The following FOXP1 variants were observed in gnomAD, a reference collection of about 807,000 sequenced individuals.
FOXP1 encodes the protein forkhead box P1.
A neutral mutation model predicts 98.2 loss-of-function variants in FOXP1; 15 were observed. The observed-to-expected ratio is 0.15, with a 90% CI of 0.10 to 0.24. FOXP1 has a LOEUF of 0.24. Among genes scored for constraint, FOXP1 ranks in the 10% least tolerant of loss-of-function variants. The pLI is 1.00. For synonymous variants in FOXP1, 371 were observed against 314.5 expected (o/e 1.18, Z -1.90); for missense variants, 633 against 848.5 (o/e 0.75, Z 3.15).
At chr3:71,031,214 A>G (rs910418507) in intron 11 of FOXP1, among the ~76,000 whole-genome samples, 2 of 152,216 alleles carry the variant, frequency 1.3e-5, no homozygotes, top group Non-Finnish European at 2.9e-5. Flanking sequence ...CTTCAAAGAC[A>G]TATCTCAAAG....
intron 20 of FOXP1, among the ~76,000 whole-genome samples, chr3:70,965,474 C>T (rs553210574): frequency 1.8e-4 from 27 of 152,260 alleles, no homozygotes; most frequent in East Asian, 1.4e-3. Flanking sequence ...GCGGCGTGTT[C>T]GTGGTGAACC....
intron 7 of FOXP1, among the ~76,000 whole-genome samples, chr3:71,078,817 C>T (rs562616981): frequency 9.9e-5 from 15 of 152,196 alleles, no homozygotes; most frequent in African/African-American, 3.6e-4. Context: ...GCCCAGACTT[C>T]ATTGGAGCCA....
intron 4 of FOXP1, among the ~76,000 whole-genome samples, chr3:71,315,102 AAAAAAG>A (rs1166881047): frequency 4.5e-5 from 6 of 131,902 alleles, no homozygotes; most frequent in South Asian, 2.5e-4. Context: ...AAAAAAAAAA[AAAAAAG>A]AAAGAAAGAA....
chr3:71,412,789 C>T (rs1359737562), intron 3 of FOXP1, among the ~76,000 whole-genome samples: 3 of 152,124 alleles, frequency 2.0e-5, no homozygotes, highest in Admixed American at 6.5e-5. Context: ...AACCCAGGCA[C>T]CAATAAAACA....
At chr3:71,117,379 G>T (rs931581487) in intron 6 of FOXP1, among the ~76,000 whole-genome samples, 1 of 152,204 alleles carries the variant, frequency 6.6e-6, no homozygotes, top group Non-Finnish European at 1.5e-5. Flanking sequence ...GAGCCACTGT[G>T]GCAGGCCAGA....
At chr3:71,512,929 G>A (rs1249841320) in intron 2 of FOXP1, among the ~76,000 whole-genome samples, 3 of 152,098 alleles carry the variant, frequency 2.0e-5, no homozygotes, top group Admixed American at 6.5e-5. Flanking sequence ...CCAAGGAAAC[G>A]TCACCCTCAA....
intron 11 of FOXP1, among the ~76,000 whole-genome samples, chr3:71,019,135 G>C (rs540015834): frequency 6.6e-6 from 1 of 152,176 alleles, no homozygotes; most frequent in African/African-American, 2.4e-5. Flanking sequence ...ACTGCCTTTT[G>C]GGTCGTGCCA....
chr3:71,536,488 A>C (rs2044300388), intron 2 of FOXP1, among the ~76,000 whole-genome samples: 1 of 152,098 alleles, frequency 6.6e-6, no homozygotes, highest in Non-Finnish European at 1.5e-5. Flanking sequence ...TGGAGACTGT[A>C]CTAAAGTCGA....
intron 5 of FOXP1, among the ~76,000 whole-genome samples, chr3:71,236,358 T>C (rs2066774246): frequency 6.6e-6 from 1 of 152,216 alleles, no homozygotes; most frequent in South Asian, 2.1e-4. Context: ...GCCTCTGCTA[T>C]GGGCCAAGTT....
chr3:71,053,619 G>A lies in FOXP1; in HGVS notation c.420+17C>T. On this transcript the variant is annotated intron_variant, in intron 8 of 20. Transcript: ENST00000649528. ...GTTCTGGGGGAGACAGGCTGGAGGT[G>A]GAGGAAGGACAATTACCTGTTGAAG... is the stretch of plus-strand genomic sequence containing the variant. The A allele has an allele frequency of 1.2e-6, 2 of 1,613,934 alleles. No homozygotes were observed. Among genetic ancestry groups the A allele is most frequent in the South Asian group, 1.1e-5 (1 of 91,066 alleles).
intron 10 of FOXP1, among the ~76,000 whole-genome samples, chr3:71,046,043 T>TG (rs2048993540): frequency 6.6e-6 from 1 of 152,142 alleles, no homozygotes; most frequent in Non-Finnish European, 1.5e-5. Flanking sequence ...AACACAGGCA[T>TG]GGCACTTTCT....
At chr3:71,127,376 AAT>A (rs1181273356) in intron 6 of FOXP1, among the ~76,000 whole-genome samples, 1 of 152,240 alleles carries the variant, frequency 6.6e-6, no homozygotes, top group Non-Finnish European at 1.5e-5. Context: ...GTGGAAGTTA[AAT>A]TGCCAACATC....
At chr3:71,112,915 T>C (rs990841538) in intron 6 of FOXP1, among the ~76,000 whole-genome samples, 3 of 152,098 alleles carry the variant, frequency 2.0e-5, no homozygotes, top group African/African-American at 7.2e-5. Context: ...TTTAAGACCA[T>C]GAGTGATTGA....
At chr3:71,582,495 A>C in intron 1 of FOXP1, 7 of 985,434 alleles carry the variant, frequency 7.1e-6, no homozygotes, top group Non-Finnish European at 8.4e-6. Context: ...GGCTGCGCGC[A>C]AGCGAGGGAC....
At chr3:71,367,178 G>A (rs2078982808) in intron 3 of FOXP1, among the ~76,000 whole-genome samples, 1 of 152,166 alleles carries the variant, frequency 6.6e-6, no homozygotes, top group East Asian at 1.9e-4. Flanking sequence ...TGCAGAAGGA[G>A]GGAGGAGACC....
chr3:71,028,758 T>C (rs1483792821), intron 11 of FOXP1, among the ~76,000 whole-genome samples: 2 of 152,192 alleles, frequency 1.3e-5, no homozygotes, highest in Non-Finnish European at 2.9e-5. Context: ...CACCCTAACG[T>C]AGAATCAGTT....
intron 4 of FOXP1, among the ~76,000 whole-genome samples, chr3:71,300,298 G>T (rs2073735127): frequency 6.6e-6 from 1 of 152,126 alleles, no homozygotes; most frequent in African/African-American, 2.4e-5. Flanking sequence ...TCCCCTTTTG[G>T]AAGAGAGTTA....
At chr3:71,032,592 C>T (rs752226788) in intron 11 of FOXP1, among the ~76,000 whole-genome samples, 3 of 152,328 alleles carry the variant, frequency 2.0e-5, no homozygotes, top group East Asian at 1.9e-4. Context: ...ACATATCTAA[C>T]GCACTCATTT....
intron 2 of FOXP1, among the ~76,000 whole-genome samples, chr3:71,493,961 A>G (rs113182019): frequency 6.6e-6 from 1 of 152,220 alleles, no homozygotes; most frequent in East Asian, 1.9e-4. Context: ...AAAAATTTAA[A>G]TAATTTTAAA....
Sources: allele counts gnomAD v4.1 joint callset (sites outside exome capture counted in the v4.1 genomes callset), GRCh38; gene constraint gnomAD v4.1.1; transcripts MANE v1.5; gene names NCBI Gene and HGNC (gene_info 2026-07-23, HGNC 2026-07-21).